Variants in PDZRN4 observed in about 807,000 individuals in gnomAD.
PDZRN4 encodes PDZ domain containing ring finger 4, also known as PDZ domain-containing RING finger protein 4.
In PDZRN4, 70 loss-of-function variants were observed where a neutral mutation model predicts 99.0. The observed-to-expected ratio is 0.71, with a 90% CI of 0.58 to 0.86. The LOEUF is 0.86. Ranked by LOEUF, PDZRN4 falls within the 40% of genes least tolerant of loss-of-function variation. The pLI, the probability that PDZRN4 is intolerant of heterozygous loss-of-function variation, is 0.00. For missense variants in PDZRN4, 1,474 were observed against 1,331.2 expected, an observed-to-expected ratio of 1.11 and a Z score of -1.67; for synonymous variants, 551 against 501.6, an observed-to-expected ratio of 1.10 and a Z score of -1.32.
intron 5 of PDZRN4, among the ~76,000 whole-genome samples, chr12:41,544,864 C>G (rs541280052): frequency 6.6e-6 from 1 of 152,182 alleles, no homozygotes; most frequent in African/African-American, 2.4e-5. Context: ...CAGACCAGGT[C>G]CCTTAGCTAG....
intron 3 of PDZRN4, among the ~76,000 whole-genome samples, chr12:41,428,974 T>C (rs1457414581): frequency 2.0e-5 from 3 of 152,112 alleles, no homozygotes; most frequent in Non-Finnish European, 4.4e-5. Context: ...TGCCTGAGAA[T>C]AGTCAGGCCA....
intron 3 of PDZRN4, among the ~76,000 whole-genome samples, chr12:41,382,932 C>T (rs1952137644): frequency 6.6e-6 from 1 of 152,092 alleles, no homozygotes; most frequent in Admixed American, 6.5e-5. Context: ...ATTTTGCAGA[C>T]AAAAATAAAA....
intron 3 of PDZRN4, among the ~76,000 whole-genome samples, chr12:41,220,162 C>T (rs11835868): frequency 0.03 from 4,553 of 152,132 alleles, 234 homozygotes; most frequent in African/African-American, 0.1. Flanking sequence ...TCCCATAGAC[C>T]GGGTAACTTA....
chr12:41,557,769 C>T (rs1939194147), intron 7 of PDZRN4, among the ~76,000 whole-genome samples: 1 of 152,088 alleles, frequency 6.6e-6, no homozygotes, highest in African/African-American at 2.4e-5. Context: ...TGGGGTCCCA[C>T]TAGTTTTCAG....
At chr12:41,247,682 C>T (rs1405238942) in intron 3 of PDZRN4, among the ~76,000 whole-genome samples, 1 of 152,014 alleles carries the variant, frequency 6.6e-6, no homozygotes, top group African/African-American at 2.4e-5. Flanking sequence ...TAGAATGTAC[C>T]TTGATGTAAC....
intron 3 of PDZRN4, among the ~76,000 whole-genome samples, chr12:41,375,210 T>G (rs1389939356): frequency 6.6e-6 from 1 of 152,204 alleles, no homozygotes; most frequent in Admixed American, 6.5e-5. Flanking sequence ...CCAGCTAAGC[T>G]GTTCTCAGAC....
intron 6 of PDZRN4, among the ~76,000 whole-genome samples, chr12:41,554,957 C>T (rs1402046749): frequency 1.3e-5 from 2 of 150,238 alleles, no homozygotes; most frequent in East Asian, 2.0e-4. Flanking sequence ...GCCTGTAATC[C>T]TAGCACTTTG....
chr12:41,569,756 G>A (rs1251714645), intron 9 of PDZRN4, among the ~76,000 whole-genome samples: 1 of 152,092 alleles, frequency 6.6e-6, no homozygotes, highest in Admixed American at 6.6e-5. Flanking sequence ...GCACACTATA[G>A]CATCAACATA....
intron 3 of PDZRN4, among the ~76,000 whole-genome samples, chr12:41,206,263 A>T (rs55829782): frequency 0.047 from 7,126 of 152,042 alleles, 179 homozygotes; most frequent in Non-Finnish European, 0.052. Context: ...ACTTCCAAAC[A>T]GATTTTTCAA....
chr12:41,197,920 G>GTTTTTTTTTTTTTTTTTTTTTTTTTT (rs533696414), intron 3 of PDZRN4, among the ~76,000 whole-genome samples: 7 of 115,598 alleles, frequency 6.1e-5, no homozygotes, highest in Admixed American at 2.9e-4. Flanking sequence ...TTTTTTCTGG[G>GTTTTTTTTTTTTTTTTTTTTTTTTTT]TTTTTTTTTT....
intron 3 of PDZRN4, among the ~76,000 whole-genome samples, chr12:41,225,581 T>A (rs1260866490): frequency 6.6e-6 from 1 of 152,170 alleles, no homozygotes; most frequent in Non-Finnish European, 1.5e-5. Context: ...ACAAATATTT[T>A]CCACAAATGT....
chr12:41,537,181 T>G (rs1289743415), intron 5 of PDZRN4, among the ~76,000 whole-genome samples: 1 of 152,092 alleles, frequency 6.6e-6, no homozygotes, highest in African/African-American at 2.4e-5. Flanking sequence ...GTATGATATG[T>G]GTTGAGATAG....
At chr12:41,493,737 G>A (rs1937934592) in intron 3 of PDZRN4, among the ~76,000 whole-genome samples, 1 of 152,012 alleles carries the variant, frequency 6.6e-6, no homozygotes, top group Admixed American at 6.6e-5. Context: ...AACCCAGGTG[G>A]TCTTTTTCAC....
At position 41,377,753 on chromosome 12, in the gene PDZRN4, A is replaced by G. The variant is rs184906961; in HGVS notation, c.844-128703A>G. Among the ~76,000 whole-genome samples the G allele has an allele frequency of 1.7e-3, 263 of 152,278 alleles. 3 individuals are homozygous for G. The highest frequency in any genetic ancestry group is 5.7e-3 in the African/African-American group (237 of 41,570). On this transcript the variant is annotated intron_variant, in intron 3 of 9. Transcript: ENST00000402685. ...AGTATTATAGATTTGAGTCTATTGT[A>G]AATGGTATTTTCTTAATTTCTTTTT... is the stretch of plus-strand genomic sequence containing the variant.
chr12:41,337,299 T>TTC (rs1951782498), intron 3 of PDZRN4, among the ~76,000 whole-genome samples: 1 of 152,084 alleles, frequency 6.6e-6, no homozygotes, highest in African/African-American at 2.4e-5. Context: ...TTTTAAACTT[T>TTC]TCTCCACTCG....
At chr12:41,326,481 T>C (rs1951710382) in intron 3 of PDZRN4, among the ~76,000 whole-genome samples, 3 of 152,154 alleles carry the variant, frequency 2.0e-5, no homozygotes, top group Admixed American at 2.0e-4. Context: ...ATCACAAAAA[T>C]TGTTCCATGT....
intron 3 of PDZRN4, among the ~76,000 whole-genome samples, chr12:41,203,275 C>T (rs1950828899): frequency 6.6e-6 from 1 of 151,946 alleles, no homozygotes; most frequent in Non-Finnish European, 1.5e-5. Flanking sequence ...GAGTGATTGG[C>T]ATAGAATCGC....
intron 3 of PDZRN4, among the ~76,000 whole-genome samples, chr12:41,392,902 G>T (rs1952219561): frequency 6.6e-6 from 1 of 152,112 alleles, no homozygotes; most frequent in South Asian, 2.1e-4. Context: ...AAGAATCAAA[G>T]CAATGCTCTT....
At chr12:41,538,879 A>G (rs192745841) in intron 5 of PDZRN4, among the ~76,000 whole-genome samples, 3 of 152,162 alleles carry the variant, frequency 2.0e-5, no homozygotes, top group African/African-American at 7.2e-5. Flanking sequence ...ATTGATATAT[A>G]TGTGTGACAG....
Sources: gnomAD v4.1 joint callset for allele counts (sites outside exome capture counted in the v4.1 genomes callset) on GRCh38, gnomAD v4.1.1 for gene constraint, MANE v1.5 for transcripts, NCBI Gene and HGNC (gene_info 2026-07-23, HGNC 2026-07-21) for gene names.